The following REPS2 variants were observed in gnomAD, a reference collection of about 807,000 sequenced individuals.
REPS2 encodes ralBP1-associated Eps domain-containing protein 2.
Under a neutral mutation model 53.6 loss-of-function variants are expected in REPS2, and 23 were observed. The ratio of observed to expected loss-of-function variants is 0.43; its 90% CI spans 0.31 to 0.61. The LOEUF (loss-of-function observed/expected upper bound fraction) is 0.61. Among genes scored for constraint, REPS2 ranks in the 20% least tolerant of loss-of-function variants. The pLI is 0.11. For missense variants in REPS2, 446 were observed against 534.9 expected, an observed-to-expected ratio of 0.83 and a Z score of 1.64; for synonymous variants, 238 against 218.6, an observed-to-expected ratio of 1.09 and a Z score of -0.78.
At chrX:17,102,872 G>A (rs1380091182) in intron 13 of REPS2, among the ~76,000 whole-genome samples, 3 of 112,635 alleles carry the variant, frequency 2.7e-5, no homozygotes, top group African/African-American at 9.7e-5. Context: ...TTATTTGGAC[G>A]ATGGTGTTTT....
intron 17 of REPS2, among the ~76,000 whole-genome samples, chrX:17,145,430 T>G (rs1380307053): frequency 9.0e-6 from 1 of 111,653 alleles, no homozygotes; most frequent in Non-Finnish European, 1.9e-5. Flanking sequence ...AATACACATC[T>G]CAGATAATTA....
In REPS2 at chrX:17,133,957, G is replaced by A. The variant is rs6653627; in HGVS notation, c.1662+50G>A. On this transcript the variant is annotated intron_variant, in intron 15 of 17. Coordinates refer to ENST00000357277, the MANE Select transcript of REPS2 (RefSeq NM_004726.3). The stretch of plus-strand genomic sequence containing the variant: ...CAGATGGCGTTGCGAGTCCCACCCC[G>A]GGCTTCTTATCTCTATTAGCTGATC... 2.2e-4 allele frequency: 201 copies of A among 929,210 alleles called. 2 individuals carry two copies. In the African/African-American group the frequency reaches 3.2e-3, roughly 15 times the overall value. The allele number at this position is 929,210 out of a possible 1,213,427, so 76.6% of individuals were successfully genotyped here.
intron 6 of REPS2, among the ~76,000 whole-genome samples, chrX:17,048,147 T>C (rs781578863): frequency 8.9e-6 from 1 of 112,823 alleles, no homozygotes; most frequent in South Asian, 3.6e-4. Context: ...TAAAGCTTTC[T>C]TTTTAGACTT....
rs1049246752 is a variant in REPS2, at chrX:17,084,397, T to A, written c.1516+6990T>A. On this transcript the variant is annotated intron_variant, in intron 13 of 17. Coordinates refer to ENST00000357277, the MANE Select transcript of REPS2 (RefSeq NM_004726.3). ...GTTTTTGTGTAAACATATTTTTTCT[T>A]TCTCTTGAGTATATAGGTAGGGCTG... is the stretch of plus-strand genomic sequence containing the variant. 6.2e-5 allele frequency among the ~76,000 whole-genome samples: 7 copies of A among 112,372 alleles called. No homozygotes were observed. The Admixed American group carries it at 6.6e-4, about 11-fold the overall frequency.
At chrX:17,195,460 C>T in the REPS2 span, among the ~76,000 whole-genome samples, 1 of 111,981 alleles carries the variant, frequency 8.9e-6, no homozygotes, top group Non-Finnish European at 1.9e-5. Context: ...AGCACCTTGG[C>T]AGTTGGGGAT....
At chrX:17,124,949 C>T (rs899943877) in intron 14 of REPS2, among the ~76,000 whole-genome samples, 13 of 107,067 alleles carry the variant, frequency 1.2e-4, no homozygotes, top group Non-Finnish European at 1.9e-4. Context: ...CTGCAACCTC[C>T]GCCTCCCGGG....
intron 1 of REPS2, among the ~76,000 whole-genome samples, chrX:16,990,297 G>A (rs2061146031): frequency 9.0e-6 from 1 of 111,506 alleles, no homozygotes; most frequent in African/African-American, 3.3e-5. Context: ...AGGGTTGGGA[G>A]TAAAATGGAT....
chrX:17,172,792 A>G, the REPS2 span, among the ~76,000 whole-genome samples: 1 of 112,055 alleles, frequency 8.9e-6, no homozygotes, highest in Non-Finnish European at 1.9e-5. Flanking sequence ...TAAAATTAAT[A>G]CATAATTTTA....
the REPS2 span, among the ~76,000 whole-genome samples, chrX:17,161,558 G>A: frequency 0.013 from 1,418 of 110,654 alleles, 27 homozygotes; most frequent in African/African-American, 0.044. Flanking sequence ...CTGAATGTGC[G>A]TGGAAGCAGA....
At position 17,077,354 on chromosome X, in the gene REPS2, A is replaced by G. The variant is rs2062395410; in HGVS notation, c.1463A>G (p.His488Arg). The G allele has an allele frequency of 8.3e-7, 1 of 1,208,723 alleles. No homozygotes were observed. Among genetic ancestry groups the G allele is most frequent in the African/African-American group, 1.8e-5 (1 of 57,072 alleles). ...CCGCCACCTCGGCCACAGAAAACCC[A>G]TTCCAGAGCCTCCTCCTTGGATCTG... ...PTPPPRPQKT[H>R]SRASSLDLNK... The change falls in exon 13 of 18, where the codon CAT (histidine) becomes CGT (arginine). Residue 488 changes from histidine (H) to arginine (R), a missense_variant. By Grantham distance (29) the His-to-Arg change is conservative. Transcript: ENST00000357277.
the REPS2 span, among the ~76,000 whole-genome samples, chrX:17,182,445 A>G: frequency 8.9e-6 from 1 of 111,805 alleles, no homozygotes. Flanking sequence ...CTTTACCATG[A>G]TAGTTTCAGA....
intron 12 of REPS2, among the ~76,000 whole-genome samples, chrX:17,076,112 A>G (rs1217244553): frequency 8.9e-6 from 1 of 112,227 alleles, no homozygotes; most frequent in Non-Finnish European, 1.9e-5. Context: ...CTCAACTACC[A>G]CAAAGAATCC....
Position 17,147,396 on chromosome X carries a change from T to G in REPS2, c.1915-17T>G. 8.4e-7 allele frequency: 1 copy of G among 1,185,261 alleles called. No homozygotes were observed. Among genetic ancestry groups the G allele is most frequent in the Non-Finnish European group, 1.1e-6 (1 of 876,675 alleles). Reference sequence around the variant, plus strand: ...CCCCTTTGCTTTTTTGTTTTTCTTGTGTTTTGTACAACTCAGGAGGTTCAT... The same window carrying G: ...CCCCTTTGCTTTTTTGTTTTTCTTGGGTTTTGTACAACTCAGGAGGTTCAT... On this transcript the variant is annotated splice_polypyrimidine_tract_variant and intron_variant, in intron 17 of 17. Transcript: ENST00000357277.
chrX:17,135,275 T>C lies in REPS2; in HGVS notation c.1677T>C (p.Ser559=). The C allele has an allele frequency of 8.3e-7, 1 of 1,210,552 alleles. No homozygotes were observed. The highest frequency in any genetic ancestry group is 1.8e-5 in the South Asian group (1 of 56,702). ...SSPAKKDVLY[S]QPPSKPIRRK... ...TAAATCCACAGGATGTACTGTATTCTCAGCCACCATCAAAGCCCATTCGTA... is the reference window on the plus strand; with the variant it reads ...TAAATCCACAGGATGTACTGTATTCCCAGCCACCATCAAAGCCCATTCGTA... The change falls in exon 16 of 18, where the codon TCT becomes TCC. Residue 559 remains serine (S), a synonymous_variant. Transcript: ENST00000357277.
At chrX:16,969,233 C>T (rs1332245483) in intron 1 of REPS2, among the ~76,000 whole-genome samples, 1 of 110,297 alleles carries the variant, frequency 9.1e-6, no homozygotes, top group Non-Finnish European at 1.9e-5. Context: ...ACGCTCCTCA[C>T]TTTCCAGACT....
At chrX:17,005,277 A>G (rs915504925) in intron 1 of REPS2, among the ~76,000 whole-genome samples, 1 of 111,393 alleles carries the variant, frequency 9.0e-6, no homozygotes, top group Non-Finnish European at 1.9e-5. Flanking sequence ...AAGAGAAGAC[A>G]TTTTAATGGG....
intron 1 of REPS2, among the ~76,000 whole-genome samples, chrX:16,993,265 G>A: frequency 8.9e-6 from 1 of 112,145 alleles, no homozygotes; most frequent in Non-Finnish European, 1.9e-5. Context: ...TATCTGTATT[G>A]TGACAGCCTC....
chrX:17,035,459 C>T (rs967334626), intron 5 of REPS2, among the ~76,000 whole-genome samples: 1 of 110,249 alleles, frequency 9.1e-6, no homozygotes, highest in Non-Finnish European at 1.9e-5. Context: ...ATACTGGGTA[C>T]TGTCTTGGCT....
intron 13 of REPS2, among the ~76,000 whole-genome samples, chrX:17,091,842 A>G (rs932707066): frequency 8.9e-6 from 1 of 112,170 alleles, no homozygotes; most frequent in Non-Finnish European, 1.9e-5. Context: ...AATTTCTGTT[A>G]CAAAGAAATA....
Sources: allele counts gnomAD v4.1 joint callset (sites outside exome capture counted in the v4.1 genomes callset), GRCh38; gene constraint gnomAD v4.1.1; transcripts MANE v1.5; gene names NCBI Gene and HGNC (gene_info 2026-07-23, HGNC 2026-07-21).